Variants in COL19A1 observed in about 807,000 individuals in gnomAD.
The protein encoded by COL19A1 is collagen alpha-1(XIX) chain.
In COL19A1, 159 loss-of-function variants were observed where a neutral mutation model predicts 190.2. The observed-to-expected ratio is 0.84, with a 90% CI of 0.73 to 0.95. The LOEUF (loss-of-function observed/expected upper bound fraction) is 0.95, where lower values mean the gene tolerates loss of function less well. COL19A1 is among the 40% of genes least tolerant of loss of function. The pLI is 0.00. For synonymous variants in COL19A1, 509 were observed against 458.9 expected, an observed-to-expected ratio of 1.11 and a Z score of -1.39; for missense variants, 1,418 against 1,431.9, an observed-to-expected ratio of 0.99 and a Z score of 0.16.
intron 19 of COL19A1, among the ~76,000 whole-genome samples, chr6:70,140,290 T>C (rs1786161911): frequency 6.6e-6 from 1 of 152,096 alleles, no homozygotes; most frequent in Admixed American, 6.6e-5. Flanking sequence ...ACTTATAATA[T>C]ATATTACAAT....
intron 49 of COL19A1, among the ~76,000 whole-genome samples, chr6:70,202,732 A>T (rs1212097313): frequency 6.6e-6 from 1 of 152,252 alleles, no homozygotes; most frequent in Non-Finnish European, 1.5e-5. Flanking sequence ...GATTCTGATC[A>T]TGAAAGCTTG....
intron 9 of COL19A1, among the ~76,000 whole-genome samples, chr6:69,950,006 A>T (rs1244918173): frequency 6.6e-6 from 1 of 151,846 alleles, no homozygotes; most frequent in African/African-American, 2.4e-5. Context: ...AGTGAAGCAT[A>T]TTCTGAGCAG....
At chr6:70,167,473 A>G (rs2150267613) in intron 37 of COL19A1, among the ~76,000 whole-genome samples, 1 of 152,236 alleles carries the variant, frequency 6.6e-6, no homozygotes, top group East Asian at 1.9e-4. Context: ...AGATGTTCTT[A>G]TTCTCTTTTA....
intron 7 of COL19A1, among the ~76,000 whole-genome samples, chr6:69,935,218 C>T (rs182650653): frequency 6.6e-6 from 1 of 152,178 alleles, no homozygotes; most frequent in East Asian, 1.9e-4. Flanking sequence ...AGGGCTAATA[C>T]TGAATATGTG....
rs802174 is a variant in COL19A1, at chr6:70,166,084, T to G, written c.2445+99T>G. The G allele has an allele frequency of 0.73, 785,172 of 1,073,748 alleles. 290,010 individuals carry two copies. The highest frequency in any genetic ancestry group is 0.91 in the African/African-American group (58,394 of 64,056). The allele number at this position is 1,073,748 out of a possible 1,614,324, so 66.5% of individuals were successfully genotyped here. A position where few individuals can be genotyped will look rare whatever the true frequency, so the allele number is the denominator to read the frequency against. ...CATTTAGATGTTTTCAAAGATAAAA[T>G]TCTTCTGAATTTCGTGTATAAATAT... On this transcript the variant is annotated intron_variant, in intron 37 of 50. Transcript: ENST00000620364.
intron 42 of COL19A1, 110 bp downstream of exon 42, chr6:70,176,674 G>A (rs1765829222): frequency 1.1e-6 from 1 of 896,148 alleles, no homozygotes; most frequent in African/African-American, 1.7e-5. Context: ...AACTCCCATG[G>A]CATTAGGTTC....
chr6:69,914,533 G>A (rs572024744), intron 4 of COL19A1, among the ~76,000 whole-genome samples: 4 of 152,136 alleles, frequency 2.6e-5, no homozygotes, highest in East Asian at 1.9e-4. Context: ...ACACTTACTC[G>A]GAATGGCAGA....
At chr6:70,205,784 G>A (rs530600003) in intron 49 of COL19A1, among the ~76,000 whole-genome samples, 1 of 152,284 alleles carries the variant, frequency 6.6e-6, no homozygotes, top group African/African-American at 2.4e-5. Context: ...TTGTAGCTCA[G>A]CCAATAGCAA....
At chr6:70,090,210 A>G (rs36123295) in intron 15 of COL19A1, among the ~76,000 whole-genome samples, 22,528 of 151,900 alleles carry the variant, frequency 0.15, 2,150 homozygotes, top group South Asian at 0.28. Context: ...TGGAAATGGA[A>G]ATGGAAATGT....
intron 46 of COL19A1, among the ~76,000 whole-genome samples, chr6:70,186,971 G>A (rs895097657): frequency 5.9e-5 from 9 of 152,042 alleles, no homozygotes; most frequent in Non-Finnish European, 7.4e-5. Context: ...TCCGCCTCCC[G>A]GGTTCAAGCG....
intron 34 of COL19A1, among the ~76,000 whole-genome samples, chr6:70,158,179 G>T (rs992313914): frequency 6.6e-6 from 1 of 152,112 alleles, no homozygotes; most frequent in Admixed American, 6.6e-5. Context: ...CTTGTAGGGG[G>T]AATAAGGTGG....
chr6:69,960,794 T>A (rs1167041424), intron 10 of COL19A1, among the ~76,000 whole-genome samples: 1 of 151,204 alleles, frequency 6.6e-6, no homozygotes, highest in Non-Finnish European at 1.5e-5. Flanking sequence ...AGCCGGCTAA[T>A]TTTTTTTTGT....
intron 15 of COL19A1, among the ~76,000 whole-genome samples, chr6:70,088,737 C>T (rs969888867): frequency 6.6e-6 from 1 of 152,050 alleles, no homozygotes; most frequent in Non-Finnish European, 1.5e-5. Flanking sequence ...ATGAGCTCCT[C>T]GAGGGCAAGA....
At chr6:70,009,042 T>C in intron 11 of COL19A1, among the ~76,000 whole-genome samples, 1 of 152,022 alleles carries the variant, frequency 6.6e-6, no homozygotes, top group East Asian at 1.9e-4. Flanking sequence ...ACAAAAATTG[T>C]GAGTATTATC....
At chr6:70,062,666 A>C (rs887004306) in intron 14 of COL19A1, among the ~76,000 whole-genome samples, 1 of 152,174 alleles carries the variant, frequency 6.6e-6, no homozygotes, top group African/African-American at 2.4e-5. Flanking sequence ...AAATGCTCCA[A>C]TTAAAAGACA....
rs141203562 is a variant in COL19A1 at position 70,195,610 on chromosome 6, T to A, written c.3095-3998T>A. ...TAATAATAAACCCTCAGTCTTTTGC[T>A]AGGGATGGGGAGAGGCACCTGCCTA... On this transcript the variant is annotated intron_variant, in intron 48 of 50. Transcript: ENST00000620364. Among the ~76,000 whole-genome samples the A allele has an allele frequency of 3.1e-4, 47 of 152,232 alleles. No individual in the cohort carries two copies. The East Asian group carries it at 8.3e-3, about 27-fold the overall frequency.
chr6:69,972,160 C>T (rs1377497459), intron 11 of COL19A1, among the ~76,000 whole-genome samples: 2 of 152,164 alleles, frequency 1.3e-5, no homozygotes, highest in East Asian at 1.9e-4. Flanking sequence ...TTTTCCCCTT[C>T]ATTTAGCTTC....
intron 11 of COL19A1, among the ~76,000 whole-genome samples, chr6:69,966,041 A>T (rs1456550599): frequency 2.0e-5 from 3 of 152,230 alleles, no homozygotes; most frequent in Non-Finnish European, 2.9e-5. Context: ...AGTTATCCCC[A>T]TACTATCTGT....
chr6:70,049,859 T>C (rs1336205228), intron 14 of COL19A1, among the ~76,000 whole-genome samples: 1 of 152,132 alleles, frequency 6.6e-6, no homozygotes, highest in Non-Finnish European at 1.5e-5. Flanking sequence ...TAAATCTACA[T>C]TAAAATCAGT....
Sources: allele counts gnomAD v4.1 joint callset (sites outside exome capture counted in the v4.1 genomes callset), GRCh38; gene constraint gnomAD v4.1.1; transcripts MANE v1.5; gene names NCBI Gene and HGNC (gene_info 2026-07-23, HGNC 2026-07-21).